IL1RAP: variants seen among roughly 807,000 people sequenced by gnomAD.
IL1RAP encodes interleukin-1 receptor accessory protein.
IL1RAP carries 35 observed loss-of-function variants against 60.7 expected under a neutral mutation model. That is an observed-to-expected ratio of 0.58 (90% CI 0.44 to 0.76). The LOEUF is 0.76. IL1RAP is among the 30% of genes least tolerant of loss of function. The probability of loss-of-function intolerance (pLI) is 0.00; values close to 1 mark genes in which losing one functional copy is unlikely to be tolerated. For missense variants in IL1RAP, 572 were observed against 693.9 expected (o/e 0.82, Z 1.97); for synonymous variants, 268 against 250.9 (o/e 1.07, Z -0.64).
At position 190,584,375 on chromosome 3, in the gene IL1RAP, G is replaced by C. The variant is rs377402048; in HGVS notation, c.65-19753G>C. On this transcript the variant is annotated intron_variant, in intron 3 of 11. Transcript: ENST00000447382. The stretch of plus-strand genomic sequence containing the variant: ...CTCAACACAAGTTTTTGTTACCTAG[G>C]ACTGATATTGCTAGGTCATATGGTA... Among the ~76,000 whole-genome samples the C allele has an allele frequency of 2.0e-4, 30 of 152,254 alleles. 1 individual carries two copies. In the East Asian group the frequency reaches 4.8e-3, roughly 24 times the overall value.
At chr3:190,515,251 C>CA (rs113797530) in intron 1 of IL1RAP, among the ~76,000 whole-genome samples, 53,195 of 147,934 alleles carry the variant, frequency 0.36, 11,242 homozygotes, top group African/African-American at 0.59. Flanking sequence ...TTTTTCCAGC[C>CA]AAAAAATGGA....
chr3:190,650,144 G>A lies in IL1RAP; in HGVS notation c.*1439G>A. 1 of 983,564 alleles carries A rather than the reference G, an allele frequency of 1.0e-6. No individual in the cohort carries two copies. Among genetic ancestry groups the A allele is most frequent in the Non-Finnish European group, 1.2e-6 (1 of 828,452 alleles). The allele number at this position is 983,564 out of a possible 1,614,324, so 60.9% of individuals were successfully genotyped here. On this transcript the variant is annotated 3_prime_UTR_variant, in exon 12 of 12. Transcript: ENST00000447382. ...TATGGGTACAATATTAAAAACCACT[G>A]GAACTCTTGTCCAGTTTTTAAATTA...
chr3:190,614,211 A>G (rs1159383243), intron 5 of IL1RAP, among the ~76,000 whole-genome samples: 2 of 150,682 alleles, frequency 1.3e-5, no homozygotes, highest in African/African-American at 2.4e-5. Context: ...TAAAAGAGAC[A>G]TGGTAAAGAT....
chr3:190,521,606 A>C (rs1043329655), intron 1 of IL1RAP, among the ~76,000 whole-genome samples: 1 of 152,182 alleles, frequency 6.6e-6, no homozygotes, highest in South Asian at 2.1e-4. Flanking sequence ...CTGTAGAACA[A>C]TGTCTTAGGA....
chr3:190,633,531 A>G (rs895478310), intron 9 of IL1RAP, among the ~76,000 whole-genome samples: 1 of 151,870 alleles, frequency 6.6e-6, no homozygotes, highest in African/African-American at 2.4e-5. Flanking sequence ...TAATTTTTAT[A>G]GTTTTAGTAG....
chr3:190,535,433 G>C (rs1056940130), intron 1 of IL1RAP, among the ~76,000 whole-genome samples: 3 of 152,136 alleles, frequency 2.0e-5, no homozygotes, highest in Non-Finnish European at 2.9e-5. Flanking sequence ...TATTATCCAC[G>C]TGTTAAACAT....
At chr3:190,566,913 C>G (rs138630972) in intron 3 of IL1RAP, among the ~76,000 whole-genome samples, 59 of 152,284 alleles carry the variant, frequency 3.9e-4, no homozygotes, top group African/African-American at 1.3e-3. Flanking sequence ...TCATGAGGCT[C>G]TCCCTGTGCT....
rs189409554 is a variant in IL1RAP at position 190,601,751 on chromosome 3, C to T, written c.65-2377C>T. Among the ~76,000 whole-genome samples, 391 of 152,106 alleles carry T rather than the reference C, an allele frequency of 2.6e-3. 1 individual carries two copies. The highest frequency in any genetic ancestry group is 4.4e-3 in the South Asian group (21 of 4,806). ...CTTGTGCGGCTCAGCTCGTCCAGGC[C>T]GGACTTGCTCTTGTACCTTTGGTCA... is the stretch of plus-strand genomic sequence containing the variant. On this transcript the variant is annotated intron_variant, in intron 3 of 11. Coordinates refer to ENST00000447382, the MANE Select transcript of IL1RAP (RefSeq NM_002182.4).
chr3:190,522,449 ATC>A (rs1312227806), intron 1 of IL1RAP, among the ~76,000 whole-genome samples: 15 of 150,072 alleles, frequency 1.0e-4, no homozygotes, highest in African/African-American at 3.2e-4. Flanking sequence ...CTATCTATCT[ATC>A]TATCTATCTA....
chr3:190,646,310 A>C (rs1264894666), intron 11 of IL1RAP, among the ~76,000 whole-genome samples: 1 of 152,016 alleles, frequency 6.6e-6, no homozygotes, highest in Non-Finnish European at 1.5e-5. Context: ...ATTTTTCCTT[A>C]TGTGATTCAC....
chr3:190,625,962 G>A (rs530132829), intron 7 of IL1RAP, among the ~76,000 whole-genome samples: 4 of 152,316 alleles, frequency 2.6e-5, no homozygotes, highest in South Asian at 2.1e-4. Flanking sequence ...ACTTAAGGAC[G>A]TTGCAATGGG....
At chr3:190,595,459 A>G (rs1729297928) in intron 3 of IL1RAP, among the ~76,000 whole-genome samples, 3 of 152,204 alleles carry the variant, frequency 2.0e-5, no homozygotes, top group Admixed American at 6.5e-5. Context: ...GTTGCTAGCC[A>G]ACTTAACCAG....
At chr3:190,555,834 T>C (rs1219136983) in intron 1 of IL1RAP, 1 of 152,180 alleles carries the variant, frequency 6.6e-6, no homozygotes, top group Non-Finnish European at 1.5e-5. Flanking sequence ...AAATTACTCC[T>C]CCTTCCAGCC....
At chr3:190,646,172 A>G (rs925667445) in intron 11 of IL1RAP, among the ~76,000 whole-genome samples, 2 of 152,212 alleles carry the variant, frequency 1.3e-5, no homozygotes, top group Non-Finnish European at 2.9e-5. Flanking sequence ...AGGCTAATCT[A>G]CACTGGTTGG....
At chr3:190,553,124 G>A (rs922081589) in intron 1 of IL1RAP, among the ~76,000 whole-genome samples, 1 of 152,130 alleles carries the variant, frequency 6.6e-6, no homozygotes, top group Admixed American at 6.5e-5. Flanking sequence ...CCCGGCCATA[G>A]GTAAGCTAAA....
intron 3 of IL1RAP, among the ~76,000 whole-genome samples, chr3:190,601,718 G>A (rs1011179616): frequency 1.3e-5 from 2 of 152,176 alleles, no homozygotes; most frequent in Non-Finnish European, 2.9e-5. Context: ...TTGCTTCTGA[G>A]TCTGTATCTT....
chr3:190,553,890 C>T (rs7640572), intron 1 of IL1RAP, among the ~76,000 whole-genome samples: 76,494 of 150,070 alleles, frequency 0.51, 20,329 homozygotes, highest in East Asian at 0.62. Context: ...TGAAACCCCG[C>T]CTCTACTAAA....
chr3:190,554,182 C>T (rs867177071), intron 1 of IL1RAP, among the ~76,000 whole-genome samples: 4 of 151,950 alleles, frequency 2.6e-5, no homozygotes, highest in South Asian at 2.1e-4. Context: ...AGGACTTTCT[C>T]CTTAGGATTC....
At chr3:190,529,686 GAA>G (rs58490702) in intron 1 of IL1RAP, among the ~76,000 whole-genome samples, 28 of 101,962 alleles carry the variant, frequency 2.7e-4, no homozygotes, top group African/African-American at 8.5e-4. Context: ...TGTCTCAAAA[GAA>G]AAAAAAAAAA....
Sources: gnomAD v4.1 joint callset for allele counts (sites outside exome capture counted in the v4.1 genomes callset) on GRCh38, gnomAD v4.1.1 for gene constraint, MANE v1.5 for transcripts, NCBI Gene and HGNC (gene_info 2026-07-23, HGNC 2026-07-21) for gene names.